Variants in PDE4D observed in about 807,000 individuals in gnomAD.
PDE4D encodes the protein 3',5'-cyclic-AMP phosphodiesterase 4D.
Under a neutral mutation model 87.4 loss-of-function variants are expected in PDE4D, and 24 were observed. The ratio of observed to expected loss-of-function variants is 0.27; its 90% confidence interval spans 0.20 to 0.39. The LOEUF is 0.39. Ranked by LOEUF, PDE4D falls within the 10% of genes least tolerant of loss-of-function variation. The pLI is 1.00. For synonymous variants in PDE4D, 384 were observed against 383.2 expected, an observed-to-expected ratio of 1.00 and a Z score of -0.02; for missense variants, 714 against 1,041.0, an observed-to-expected ratio of 0.69 and a Z score of 4.32.
chr5:59,965,003 A>T (rs867842206), intron 3 of PDE4D, among the ~76,000 whole-genome samples: 3 of 152,248 alleles, frequency 2.0e-5, no homozygotes, highest in Middle Eastern at 6.8e-3. Flanking sequence ...TAAAGTTTTA[A>T]AAAAAGAACT....
At chr5:60,500,823 C>A (rs552266191) in intron 1 of PDE4D, among the ~76,000 whole-genome samples, 1 of 152,204 alleles carries the variant, frequency 6.6e-6, no homozygotes, top group African/African-American at 2.4e-5. Flanking sequence ...ATAGCAAGAA[C>A]CTGACCCATG....
chr5:58,989,696 T>TCTA, intron 10 of PDE4D, 59 bp downstream of exon 10: 1 of 1,100,334 alleles, frequency 9.1e-7, no homozygotes, highest in Non-Finnish European at 1.3e-6. Flanking sequence ...CAGATAAAAG[T>TCTA]TTAATAGACC....
intron 1 of PDE4D, among the ~76,000 whole-genome samples, chr5:59,417,884 C>T (rs957869494): frequency 6.6e-6 from 1 of 152,170 alleles, no homozygotes; most frequent in African/African-American, 2.4e-5. Context: ...TAGCATGGAC[C>T]ATTCCACGTT....
chr5:59,312,828 C>T (rs1167220684), intron 1 of PDE4D, among the ~76,000 whole-genome samples: 1 of 152,170 alleles, frequency 6.6e-6, no homozygotes, highest in African/African-American at 2.4e-5. Flanking sequence ...CAACTATTGG[C>T]TGCTTTACAA....
chr5:59,022,838 C>T (rs1356823438), intron 6 of PDE4D, among the ~76,000 whole-genome samples: 3 of 152,206 alleles, frequency 2.0e-5, no homozygotes, highest in Admixed American at 2.0e-4. Context: ...GAATCTAGTG[C>T]TCACTAAATA....
rs144915725 is a variant in PDE4D, at chr5:60,127,188, G to A, written c.42+58369C>T. 1.9e-3 allele frequency among the ~76,000 whole-genome samples: 283 copies of A among 152,246 alleles called. 2 individuals are homozygous for A. Among genetic ancestry groups the A allele is most frequent in the African/African-American group, 6.2e-3 (258 of 41,544 alleles). ...AGTCGGTGTACAAGAAGCTGAGGGA[G>A]TGAAACAGGCAGGGGATACTTCAGG... On this transcript the variant is annotated intron_variant, in intron 2 of 16. Coordinates refer to the PDE4D transcript ENST00000502484.
chr5:59,748,234 C>A (rs1039931231), intron 1 of PDE4D, among the ~76,000 whole-genome samples: 1 of 152,198 alleles, frequency 6.6e-6, no homozygotes, highest in East Asian at 1.9e-4. Context: ...GTGGCTTCTA[C>A]TTTGCACTCT....
At chr5:59,667,992 T>G (rs1276406456) in intron 1 of PDE4D, among the ~76,000 whole-genome samples, 1 of 152,212 alleles carries the variant, frequency 6.6e-6, no homozygotes, top group African/African-American at 2.4e-5. Flanking sequence ...GTCTTCAATT[T>G]TTCTGTTTAT....
intron 1 of PDE4D, among the ~76,000 whole-genome samples, chr5:59,840,892 G>A (rs1742903097): frequency 6.6e-6 from 1 of 152,052 alleles, no homozygotes; most frequent in African/African-American, 2.4e-5. Context: ...AGTTATAGAT[G>A]AGAGAAAATT....
intron 1 of PDE4D, among the ~76,000 whole-genome samples, chr5:59,715,586 C>T (rs992827668): frequency 9.2e-5 from 14 of 152,196 alleles, no homozygotes; most frequent in African/African-American, 3.4e-4. Context: ...ATAATCTGCA[C>T]CAATAGCTGT....
intron 1 of PDE4D, among the ~76,000 whole-genome samples, chr5:60,476,713 G>A (rs1160401844): frequency 3.9e-5 from 6 of 152,168 alleles, no homozygotes; most frequent in East Asian, 1.9e-4. Context: ...ATGCCCCTGC[G>A]TGCAGCACAC....
chr5:59,240,635 C>T lies in PDE4D; in HGVS notation c.456-24667G>A, dbSNP rs3891334. Among the ~76,000 whole-genome samples, 5,714 of 152,204 alleles carry T rather than the reference C, an allele frequency of 0.038. 847 individuals carry two copies. The East Asian group carries it at 0.52, about 14-fold the overall frequency. ...ATAGGTTTAGACCCTGCTCTGGACTCTGGAGAACATTGTATCTGTTTATGT... is the reference window on the plus strand; with the variant it reads ...ATAGGTTTAGACCCTGCTCTGGACTTTGGAGAACATTGTATCTGTTTATGT... On this transcript the variant is annotated intron_variant, in intron 1 of 14. Transcript: ENST00000340635.
At chr5:60,127,732 C>G (rs1364553373) in intron 2 of PDE4D, 3 of 559,184 alleles carry the variant, frequency 5.4e-6, no homozygotes, top group Non-Finnish European at 9.5e-6. Context: ...ATCTAAAATG[C>G]CTCTGAAACA....
intron 1 of PDE4D, among the ~76,000 whole-genome samples, chr5:60,294,675 T>C (rs866788226): frequency 1.3e-5 from 2 of 152,168 alleles, no homozygotes. Flanking sequence ...ACTTTATAAA[T>C]GTGTGTCTAT....
intron 1 of PDE4D, among the ~76,000 whole-genome samples, chr5:59,735,553 T>C (rs971716042): frequency 6.6e-6 from 1 of 152,192 alleles, no homozygotes; most frequent in African/African-American, 2.4e-5. Flanking sequence ...ATTTTATAAA[T>C]AACACTGAGA....
chr5:59,732,149 AATT>A (rs201275208), intron 1 of PDE4D, among the ~76,000 whole-genome samples: 1 of 149,992 alleles, frequency 6.7e-6, no homozygotes, highest in Non-Finnish European at 1.5e-5. Context: ...ATTTCAAAAT[AATT>A]ATTATTTAAT....
At chr5:60,115,381 G>A (rs1778078495) in intron 2 of PDE4D, among the ~76,000 whole-genome samples, 1 of 152,016 alleles carries the variant, frequency 6.6e-6, no homozygotes, top group Non-Finnish European at 1.5e-5. Context: ...CACCTTCAGG[G>A]TGTCATGAAC....
intron 2 of PDE4D, among the ~76,000 whole-genome samples, chr5:60,175,605 C>G (rs1269752196): frequency 3.9e-5 from 6 of 152,116 alleles, no homozygotes; most frequent in African/African-American, 1.4e-4. Context: ...TTTGCTCCCC[C>G]TTTAGCTTTG....
chr5:60,141,465 A>T (rs1780530029), intron 2 of PDE4D, among the ~76,000 whole-genome samples: 1 of 152,170 alleles, frequency 6.6e-6, no homozygotes, highest in Non-Finnish European at 1.5e-5. Context: ...AGAAGGGAGA[A>T]ATCCACACTT....
Sources: allele counts gnomAD v4.1 joint callset (sites outside exome capture counted in the v4.1 genomes callset), GRCh38; gene constraint gnomAD v4.1.1; transcripts MANE v1.5; gene names NCBI Gene and HGNC (gene_info 2026-07-23, HGNC 2026-07-21).